RSPO2: variants seen among roughly 807,000 people sequenced by gnomAD.
RSPO2 encodes R-spondin-2.
Under a neutral mutation model 30.9 loss-of-function variants are expected in RSPO2, and 14 were observed. The observed-to-expected ratio is 0.45, with a 90% CI of 0.30 to 0.71. The LOEUF is 0.71. Ranked by LOEUF, RSPO2 falls within the 30% of genes least tolerant of loss-of-function variation. RSPO2 has a pLI of 0.08. For missense variants in RSPO2, 264 were observed against 301.9 expected (o/e 0.87, Z 0.93); for synonymous variants, 107 against 96.4 (o/e 1.11, Z -0.64).
At chr8:108,052,557 T>C (rs1217730849) in intron 2 of RSPO2, among the ~76,000 whole-genome samples, 5 of 152,188 alleles carry the variant, frequency 3.3e-5, no homozygotes, top group Admixed American at 6.5e-5. Flanking sequence ...AATTTATTAA[T>C]AACCTGTTAT....
chr8:107,991,235 G>T (rs942053834), intron 2 of RSPO2, among the ~76,000 whole-genome samples: 1 of 146,500 alleles, frequency 6.8e-6, no homozygotes, highest in African/African-American at 2.6e-5. Flanking sequence ...CAACAGGAGT[G>T]AAACTCCATC....
chr8:107,920,939 T>C (rs1023361767), intron 5 of RSPO2, among the ~76,000 whole-genome samples: 6 of 152,158 alleles, frequency 3.9e-5, no homozygotes, highest in African/African-American at 1.4e-4. Context: ...CTGTCTGGAA[T>C]GCAATAGACA....
intron 2 of RSPO2, among the ~76,000 whole-genome samples, chr8:107,996,756 T>C (rs1815038176): frequency 6.6e-6 from 1 of 152,184 alleles, no homozygotes; most frequent in African/African-American, 2.4e-5. Context: ...GTTTTGTTTT[T>C]ATGTATCAGG....
chr8:107,913,871 T>C (rs147800140), intron 5 of RSPO2, among the ~76,000 whole-genome samples: 55 of 152,276 alleles, frequency 3.6e-4, no homozygotes, highest in African/African-American at 1.3e-3. Flanking sequence ...CACACACATA[T>C]AAATGCAACA....
At chr8:108,003,793 G>A (rs1481366956) in intron 2 of RSPO2, among the ~76,000 whole-genome samples, 1 of 152,126 alleles carries the variant, frequency 6.6e-6, no homozygotes, top group East Asian at 1.9e-4. Flanking sequence ...TGAATAAACA[G>A]ATCAGAGAGT....
intron 5 of RSPO2, among the ~76,000 whole-genome samples, chr8:107,941,264 C>T (rs1274137246): frequency 1.3e-5 from 2 of 152,108 alleles, no homozygotes; most frequent in Non-Finnish European, 2.9e-5. Flanking sequence ...AATCACTTTC[C>T]TACATTCTTC....
At chr8:107,989,000 C>T (rs1814748597) in intron 3 of RSPO2, 56 bp downstream of exon 3, 6 of 1,400,886 alleles carry the variant, frequency 4.3e-6, no homozygotes, top group Admixed American at 4.9e-5. Context: ...TTCAACTTAG[C>T]TCCTCTCCTA....
In RSPO2 at chr8:107,988,972, A is replaced by T. The variant is rs1814747599; in HGVS notation, c.283+84T>A. 3 of 1,293,028 alleles carry T rather than the reference A, an allele frequency of 2.3e-6. No homozygotes were observed. The African/African-American group carries it at 4.6e-5, about 20-fold the overall frequency. The allele number at this position is 1,293,028 out of a possible 1,614,324, so 80.1% of individuals were successfully genotyped here. A position where few individuals can be genotyped will look rare whatever the true frequency, so the allele number is the denominator to read the frequency against. ...ACCTATTACAAACACATTTTTTTTA[A>T]AAAAATCATTCAAAATCTTCAACTT... is the stretch of plus-strand genomic sequence containing the variant. On this transcript the variant is annotated intron_variant, in intron 3 of 5. Coordinates refer to ENST00000276659, the MANE Select transcript of RSPO2 (RefSeq NM_178565.5).
At chr8:107,905,979 A>C (rs1811626881) in intron 5 of RSPO2, among the ~76,000 whole-genome samples, 1 of 152,032 alleles carries the variant, frequency 6.6e-6, no homozygotes, top group Admixed American at 6.6e-5. Context: ...AAATCTCACA[A>C]TTAAAACCTC....
At chr8:107,993,384 A>G (rs1371906465) in intron 2 of RSPO2, among the ~76,000 whole-genome samples, 1 of 152,222 alleles carries the variant, frequency 6.6e-6, no homozygotes, top group African/African-American at 2.4e-5. Flanking sequence ...AGTTTTACTC[A>G]GTAATAAAAA....
intron 5 of RSPO2, among the ~76,000 whole-genome samples, chr8:107,915,312 TG>T (rs1280922420): frequency 6.6e-6 from 1 of 152,130 alleles, no homozygotes; most frequent in Non-Finnish European, 1.5e-5. Context: ...AGCTCTATTT[TG>T]GGGTGTCTGG....
chr8:107,945,431 G>A (rs1037164277), intron 5 of RSPO2, among the ~76,000 whole-genome samples: 1 of 151,552 alleles, frequency 6.6e-6, no homozygotes, highest in Admixed American at 6.6e-5. Context: ...TGTATTTTTA[G>A]TAGAGACGGG....
intron 3 of RSPO2, among the ~76,000 whole-genome samples, chr8:107,968,035 G>A (rs1273796890): frequency 6.6e-6 from 1 of 152,086 alleles, no homozygotes; most frequent in Non-Finnish European, 1.5e-5. Context: ...TATTAAAAGT[G>A]AGCTTTTATA....
At chr8:107,949,381 A>G (rs924211668) in intron 5 of RSPO2, among the ~76,000 whole-genome samples, 1 of 150,386 alleles carries the variant, frequency 6.6e-6, no homozygotes, top group Non-Finnish European at 1.5e-5. Flanking sequence ...GTATATCCAC[A>G]TTTTCTTTAT....
intron 3 of RSPO2, among the ~76,000 whole-genome samples, chr8:107,974,604 C>T (rs1474806909): frequency 6.6e-6 from 1 of 151,984 alleles, no homozygotes; most frequent in African/African-American, 2.4e-5. Flanking sequence ...CACTCTGCTA[C>T]TGAGTAATTA....
At chr8:107,915,591 C>T (rs1811954701) in intron 5 of RSPO2, among the ~76,000 whole-genome samples, 1 of 151,560 alleles carries the variant, frequency 6.6e-6, no homozygotes, top group Non-Finnish European at 1.5e-5. Flanking sequence ...CTATCCTTCT[C>T]GTCTTTGTGT....
chr8:108,037,284 T>C (rs542976155), intron 2 of RSPO2, among the ~76,000 whole-genome samples: 1 of 152,238 alleles, frequency 6.6e-6, no homozygotes, highest in South Asian at 2.1e-4. Context: ...TGGAGAAAGT[T>C]TTAGAAGTCT....
At chr8:108,037,475 A>G (rs1811632231) in intron 2 of RSPO2, among the ~76,000 whole-genome samples, 2 of 152,210 alleles carry the variant, frequency 1.3e-5, no homozygotes, top group African/African-American at 4.8e-5. Context: ...CATAACATGA[A>G]AGTGCAAAGT....
At chr8:107,958,618 T>C (rs1166669433) in intron 4 of RSPO2, among the ~76,000 whole-genome samples, 1 of 152,180 alleles carries the variant, frequency 6.6e-6, no homozygotes, top group Non-Finnish European at 1.5e-5. Context: ...CCATGGTGGT[T>C]TGCTGCACAG....
Sources: allele counts gnomAD v4.1 joint callset (sites outside exome capture counted in the v4.1 genomes callset), GRCh38; gene constraint gnomAD v4.1.1; transcripts MANE v1.5; gene names NCBI Gene and HGNC (gene_info 2026-07-23, HGNC 2026-07-21).